ACAP2: variants seen among roughly 807,000 people sequenced by gnomAD.
The protein encoded by ACAP2 is arf-GAP with coiled-coil, ANK repeat and PH domain-containing protein 2.
In ACAP2, 39 loss-of-function variants were observed where a neutral mutation model predicts 115.8. The observed-to-expected ratio is 0.34, with a 90% CI of 0.26 to 0.44. The LOEUF (loss-of-function observed/expected upper bound fraction) is 0.44, where lower values mean the gene tolerates loss of function less well. ACAP2 is among the 20% of genes least tolerant of loss of function. ACAP2 has a pLI of 1.00. For synonymous variants in ACAP2, 289 were observed against 315.8 expected, an observed-to-expected ratio of 0.92 and a Z score of 0.90; for missense variants, 662 against 927.6, an observed-to-expected ratio of 0.71 and a Z score of 3.72.
intron 2 of ACAP2, among the ~76,000 whole-genome samples, chr3:195,389,319 T>C (rs73893628): frequency 0.021 from 3,156 of 152,240 alleles, 99 homozygotes; most frequent in African/African-American, 0.071. Flanking sequence ...AAGAATCCAC[T>C]CATAACAGCA....
At chr3:195,346,943 C>T (rs1018001171) in intron 4 of ACAP2, among the ~76,000 whole-genome samples, 1 of 152,006 alleles carries the variant, frequency 6.6e-6, no homozygotes, top group Non-Finnish European at 1.5e-5. Flanking sequence ...GAAAAATCAG[C>T]GATTTCCACT....
chr3:195,394,917 CTT>C (rs57869834), intron 1 of ACAP2, among the ~76,000 whole-genome samples: 71 of 134,068 alleles, frequency 5.3e-4, no homozygotes, highest in Admixed American at 7.6e-4. Flanking sequence ...GACTCCATCT[CTT>C]TTTTTTTTTT....
intron 2 of ACAP2, among the ~76,000 whole-genome samples, chr3:195,389,797 G>T (rs1734535112): frequency 6.6e-6 from 1 of 152,202 alleles, no homozygotes; most frequent in African/African-American, 2.4e-5. Context: ...ACAAAGACTT[G>T]CTGGAAGCCA....
chr3:195,408,969 C>T (rs1713018734), intron 1 of ACAP2, among the ~76,000 whole-genome samples: 1 of 151,460 alleles, frequency 6.6e-6, no homozygotes, highest in Non-Finnish European at 1.5e-5. Flanking sequence ...AGCCATATAC[C>T]AAAAAACCAC....
chr3:195,324,482 G>A (rs1019663232), intron 9 of ACAP2, among the ~76,000 whole-genome samples: 8 of 152,030 alleles, frequency 5.3e-5, no homozygotes, highest in Non-Finnish European at 8.8e-5. Flanking sequence ...AAAGCGGCAC[G>A]GTGGCTCACA....
At chr3:195,353,959 T>A (rs2108678132) in intron 4 of ACAP2, among the ~76,000 whole-genome samples, 1 of 152,250 alleles carries the variant, frequency 6.6e-6, no homozygotes, top group Middle Eastern at 3.4e-3. Flanking sequence ...CTACTATCCA[T>A]TAGTTATTTT....
intron 6 of ACAP2, among the ~76,000 whole-genome samples, chr3:195,340,568 G>C (rs1488642613): frequency 6.6e-6 from 1 of 152,160 alleles, no homozygotes; most frequent in Non-Finnish European, 1.5e-5. Flanking sequence ...TGAAGCCCAA[G>C]ACAGAAATGG....
At chr3:195,357,899 A>C (rs1332246770) in intron 4 of ACAP2, 1 of 152,368 alleles carries the variant, frequency 6.6e-6, no homozygotes, top group Non-Finnish European at 1.5e-5. Context: ...TTCACAAGGC[A>C]GCAGAGGGGA....
chr3:195,400,476 G>T (rs1198795322), intron 1 of ACAP2, among the ~76,000 whole-genome samples: 1 of 151,020 alleles, frequency 6.6e-6, no homozygotes, highest in Non-Finnish European at 1.5e-5. Flanking sequence ...TGTTTTAAGT[G>T]TGATCAGATA....
At chr3:195,320,926 T>C in intron 9 of ACAP2, 113 bp from the exon 10 acceptor site, 1 of 593,024 alleles carries the variant, frequency 1.7e-6, no homozygotes, top group Non-Finnish European at 3.0e-6. Flanking sequence ...TTAAGACAGT[T>C]ACAACAATAT....
chr3:195,302,256 G>C (rs1357349496), intron 13 of ACAP2, 82 bp from the exon 14 acceptor site: 3 of 1,262,188 alleles, frequency 2.4e-6, no homozygotes, highest in Non-Finnish European at 1.1e-6. Context: ...CCAAACTAAA[G>C]CTTCCAATCA....
chr3:195,358,821 G>A (rs1732159788), intron 4 of ACAP2, among the ~76,000 whole-genome samples: 2 of 152,030 alleles, frequency 1.3e-5, no homozygotes, highest in African/African-American at 2.4e-5. Context: ...CTGAGAGAAA[G>A]ATACAAAACT....
At chr3:195,366,003 G>C (rs952725383) in intron 4 of ACAP2, among the ~76,000 whole-genome samples, 1 of 151,938 alleles carries the variant, frequency 6.6e-6, no homozygotes, top group Non-Finnish European at 1.5e-5. Flanking sequence ...CACCACACCC[G>C]AATAATTTTT....
chr3:195,291,577 C>G, intron 20 of ACAP2, 129 bp downstream of exon 20: 1 of 601,212 alleles, frequency 1.7e-6, no homozygotes, highest in Non-Finnish European at 2.6e-6. Flanking sequence ...TCCATCGTGA[C>G]AAAATAAGTC....
intron 1 of ACAP2, among the ~76,000 whole-genome samples, chr3:195,416,203 C>A (rs952563342): frequency 6.6e-6 from 1 of 151,886 alleles, no homozygotes; most frequent in Non-Finnish European, 1.5e-5. Flanking sequence ...AAAAGTTAGC[C>A]GGCATGGTGG....
At chr3:195,291,577 C>T (rs112589742) in intron 20 of ACAP2, 129 bp downstream of exon 20, 87 of 601,094 alleles carry the variant, frequency 1.4e-4, no homozygotes, top group African/African-American at 1.4e-3. Context: ...TCCATCGTGA[C>T]AAAATAAGTC....
At chr3:195,420,779 A>T (rs1377938158) in intron 1 of ACAP2, among the ~76,000 whole-genome samples, 1 of 151,970 alleles carries the variant, frequency 6.6e-6, no homozygotes, top group Non-Finnish European at 1.5e-5. Flanking sequence ...AGTAGAAGGG[A>T]TTACGGGCAC....
At chr3:195,433,992 C>G (rs745553062) in intron 1 of ACAP2, among the ~76,000 whole-genome samples, 2 of 151,650 alleles carry the variant, frequency 1.3e-5, no homozygotes, top group Non-Finnish European at 1.5e-5. Context: ...GCAGTGGCAC[C>G]ATCACAGCTC....
intron 6 of ACAP2, among the ~76,000 whole-genome samples, chr3:195,340,381 T>C (rs1323138235): frequency 6.6e-6 from 1 of 151,962 alleles, no homozygotes; most frequent in Non-Finnish European, 1.5e-5. Context: ...CAGTTTTGAA[T>C]ACAATGAGAA....
Sources: allele counts gnomAD v4.1 joint callset (sites outside exome capture counted in the v4.1 genomes callset), GRCh38; gene constraint gnomAD v4.1.1; transcripts MANE v1.5; gene names NCBI Gene and HGNC (gene_info 2026-07-23, HGNC 2026-07-21).